ASIC2: variants seen among roughly 807,000 people sequenced by gnomAD.
The protein encoded by ASIC2 is acid-sensing ion channel 2.
A neutral mutation model predicts 57.3 loss-of-function variants in ASIC2; 25 were observed. That is an observed-to-expected ratio of 0.44 (90% confidence interval 0.32 to 0.61). The LOEUF is 0.61. ASIC2 is among the 20% of genes least tolerant of loss of function. The pLI is 0.06. For missense variants in ASIC2, 641 were observed against 738.1 expected (o/e 0.87, Z 1.52); for synonymous variants, 319 against 307.5 (o/e 1.04, Z -0.39).
chr17:33,560,103 C>A (rs1420313921), intron 1 of ASIC2, among the ~76,000 whole-genome samples: 2 of 152,168 alleles, frequency 1.3e-5, no homozygotes, highest in Non-Finnish European at 2.9e-5. Flanking sequence ...AAGATGAATA[C>A]AGCTGTCGAG....
At chr17:33,514,705 G>C (rs1435740112) in intron 1 of ASIC2, among the ~76,000 whole-genome samples, 3 of 152,178 alleles carry the variant, frequency 2.0e-5, no homozygotes, top group Admixed American at 2.0e-4. Context: ...TGACCGTGCT[G>C]CTAGGAACTA....
chr17:33,970,118 T>C (rs545901565), intron 1 of ASIC2, among the ~76,000 whole-genome samples: 2 of 152,296 alleles, frequency 1.3e-5, no homozygotes, highest in East Asian at 3.9e-4. Context: ...TAATTCTTTG[T>C]TGTAGGGAGC....
intron 1 of ASIC2, among the ~76,000 whole-genome samples, chr17:33,394,170 G>A (rs1164194296): frequency 6.6e-6 from 1 of 152,198 alleles, no homozygotes; most frequent in Non-Finnish European, 1.5e-5. Context: ...GGGTGACAGG[G>A]CTATAAGTAA....
intron 1 of ASIC2, among the ~76,000 whole-genome samples, chr17:33,566,639 C>A (rs573684128): frequency 2.5e-4 from 38 of 152,292 alleles, no homozygotes; most frequent in African/African-American, 9.1e-4. Flanking sequence ...AGAAGGTTTG[C>A]AATGCTCCTG....
intron 1 of ASIC2, among the ~76,000 whole-genome samples, chr17:33,981,234 G>C (rs1046936953): frequency 1.3e-5 from 2 of 152,110 alleles, no homozygotes; most frequent in African/African-American, 4.8e-5. Flanking sequence ...ACGGGCGTGA[G>C]CCACCGCACC....
intron 1 of ASIC2, among the ~76,000 whole-genome samples, chr17:34,068,190 G>A (rs1319504482): frequency 2.0e-5 from 3 of 152,082 alleles, no homozygotes; most frequent in South Asian, 2.1e-4. Flanking sequence ...TTCTTTCTTC[G>A]ACACTAAGGT....
At chr17:33,109,224 T>G (rs2092247125) in intron 2 of ASIC2, among the ~76,000 whole-genome samples, 2 of 152,190 alleles carry the variant, frequency 1.3e-5, no homozygotes, top group Non-Finnish European at 2.9e-5. Flanking sequence ...ACACCACCTG[T>G]TCCCCCAAAA....
At chr17:33,286,242 T>C (rs1905177164) in intron 1 of ASIC2, among the ~76,000 whole-genome samples, 2 of 152,212 alleles carry the variant, frequency 1.3e-5, no homozygotes, top group Non-Finnish European at 2.9e-5. Flanking sequence ...TCGCTTTCAG[T>C]ACATATGAGT....
intron 1 of ASIC2, among the ~76,000 whole-genome samples, chr17:33,522,443 G>A (rs756285701): frequency 4.6e-5 from 7 of 152,316 alleles, no homozygotes; most frequent in South Asian, 2.1e-4. Context: ...CTTTGTAGGG[G>A]CAGCGGCTTG....
chr17:33,225,197 C>T (rs1175284376), intron 1 of ASIC2, among the ~76,000 whole-genome samples: 2 of 152,232 alleles, frequency 1.3e-5, no homozygotes, highest in Non-Finnish European at 2.9e-5. Flanking sequence ...CAAGCCTGTG[C>T]TGTGGCAATG....
chr17:34,086,369 T>C (rs898624676), intron 1 of ASIC2, among the ~76,000 whole-genome samples: 1 of 152,248 alleles, frequency 6.6e-6, no homozygotes, highest in Non-Finnish European at 1.5e-5. Context: ...TTCTTAATCC[T>C]GAGTTCTAAT....
chr17:33,136,541 T>C (rs919090263), intron 1 of ASIC2, among the ~76,000 whole-genome samples: 1 of 152,236 alleles, frequency 6.6e-6, no homozygotes, highest in Non-Finnish European at 1.5e-5. Context: ...GTGGAAAACT[T>C]CTTCTGGAAG....
chr17:33,127,047 T>C (rs1005280524), intron 1 of ASIC2, among the ~76,000 whole-genome samples: 116 of 150,586 alleles, frequency 7.7e-4, no homozygotes, highest in African/African-American at 2.7e-3. Flanking sequence ...TTTTTTGTAT[T>C]TTTAGTAGAG....
intron 1 of ASIC2, among the ~76,000 whole-genome samples, chr17:33,685,972 G>A (rs897558393): frequency 6.6e-6 from 1 of 152,140 alleles, no homozygotes; most frequent in Admixed American, 6.5e-5. Context: ...CCAGGGACTC[G>A]CTCACACTTT....
At chr17:33,712,951 T>G (rs1909099375) in intron 1 of ASIC2, among the ~76,000 whole-genome samples, 1 of 152,214 alleles carries the variant, frequency 6.6e-6, no homozygotes, top group African/African-American at 2.4e-5. Flanking sequence ...GGCCCTCATA[T>G]GGCTTTTGGC....
At chr17:33,123,340 C>T (rs1338827184) in intron 1 of ASIC2, among the ~76,000 whole-genome samples, 2 of 152,230 alleles carry the variant, frequency 1.3e-5, no homozygotes, top group East Asian at 3.9e-4. Flanking sequence ...TCATTTGCAA[C>T]AACATAGATA....
At chr17:33,340,838 T>C (rs568601726) in intron 1 of ASIC2, among the ~76,000 whole-genome samples, 1 of 152,204 alleles carries the variant, frequency 6.6e-6, no homozygotes, top group East Asian at 1.9e-4. Context: ...CCAGGGCTAG[T>C]ATGAGGCCTG....
upstream of ASIC2, among the ~76,000 whole-genome samples, chr17:33,295,925 GTCC>G (rs2142188564): frequency 6.6e-6 from 1 of 152,134 alleles, no homozygotes; most frequent in African/African-American, 2.4e-5. Context: ...GGCTTAAGCT[GTCC>G]TCCTGCCTCA....
intron 1 of ASIC2, among the ~76,000 whole-genome samples, chr17:33,335,221 T>A (rs1356094870): frequency 6.6e-6 from 1 of 152,190 alleles, no homozygotes; most frequent in Non-Finnish European, 1.5e-5. Context: ...AGAAATGATA[T>A]GCTCCCAGTC....
Sources: allele counts gnomAD v4.1 joint callset (sites outside exome capture counted in the v4.1 genomes callset), GRCh38; gene constraint gnomAD v4.1.1; transcripts MANE v1.5; gene names NCBI Gene and HGNC (gene_info 2026-07-23, HGNC 2026-07-21).